Variants in GLS observed in about 807,000 individuals in gnomAD.
GLS encodes the protein glutaminase.
Under a neutral mutation model 86.7 loss-of-function variants are expected in GLS, and 36 were observed. That is an observed-to-expected ratio of 0.42 (90% CI 0.32 to 0.55). The LOEUF (loss-of-function observed/expected upper bound fraction) is 0.55, where lower values mean the gene tolerates loss of function less well. Ranked by LOEUF, GLS falls within the 20% of genes least tolerant of loss-of-function variation. The probability of loss-of-function intolerance (pLI) is 0.17; values close to 1 mark genes in which losing one functional copy is unlikely to be tolerated. For missense variants in GLS, 528 were observed against 833.4 expected (o/e 0.63, Z 4.51); for synonymous variants, 317 against 305.9 (o/e 1.04, Z -0.38).
chr2:190,954,675 ACTC>A lies in GLS; in HGVS notation c.1789+18_1789+20del, dbSNP rs1176914063. 6 of 1,606,622 alleles carry A rather than the reference ACTC, an allele frequency of 3.7e-6. No homozygotes were observed. The highest frequency in any genetic ancestry group is 3.3e-5 in the Admixed American group (2 of 59,978). On this transcript the variant is annotated intron_variant, in intron 16 of 17. Transcript: ENST00000320717. This position sits in a 1 kb window ranked among gnomAD's most constrained non-coding sequence, Gnocchi z 4.0. ...TGCTGCAGAGGGTAATACAGGAACTACTCCTATCTATTTTCTTTCCAGATTTAA... is the reference window on the plus strand; with the variant it reads ...TGCTGCAGAGGGTAATACAGGAACTACTATCTATTTTCTTTCCAGATTTAA...
rs559857244 is a variant in GLS, at chr2:190,929,024, C to T, written c.1426-1413C>T. On this transcript the variant is annotated intron_variant, in intron 12 of 17. Transcript: ENST00000320717. ...ATTTTGAGACAGAGTCTCACTGTGT[C>T]GCCCAGGCTGGAGTGCAGTGGCGTG... 3.3e-5 allele frequency among the ~76,000 whole-genome samples: 5 copies of T among 149,666 alleles called. No individual in the cohort carries two copies. The East Asian group carries it at 7.9e-4, about 24-fold the overall frequency.
At chr2:190,936,946 G>T (rs1160005698) in intron 14 of GLS, among the ~76,000 whole-genome samples, 1 of 151,186 alleles carries the variant, frequency 6.6e-6, no homozygotes, top group East Asian at 1.9e-4. Context: ...CTTAACGTGT[G>T]ATTTCTTCTC....
At position 190,880,921 on chromosome 2, in the gene GLS, C is replaced by CAGCCG; in HGVS notation, c.-164_-163insAGCCG. On this transcript the variant is annotated 5_prime_UTR_variant, in exon 1 of 18. Transcript: ENST00000320717. ...AGCAGCAGCAGCAGCAGCAGCAGCA[C>CAGCCG]CCGCATCCGCTGCGGGAGTCCGAGC... 1 of 751,614 alleles carries CAGCCG rather than the reference C, an allele frequency of 1.3e-6. No individual in the cohort carries two copies. The allele number at this position is 751,614 out of a possible 1,614,324, so 46.6% of individuals were successfully genotyped here. A position where few individuals can be genotyped will look rare whatever the true frequency, so the allele number is the denominator to read the frequency against.
intron 17 of GLS, among the ~76,000 whole-genome samples, chr2:190,960,061 A>C (rs964912046): frequency 6.6e-6 from 1 of 151,482 alleles, no homozygotes; most frequent in African/African-American, 2.5e-5. Flanking sequence ...GCAAACTGCT[A>C]TTCATCCTGC....
rs771612003 is a variant in GLS at position 190,921,231 on chromosome 2, C to T, written c.1130+28C>T. 28 of 1,368,546 alleles carry T rather than the reference C, an allele frequency of 2.0e-5. No individual in the cohort carries two copies. The highest frequency in any genetic ancestry group is 1.3e-4 in the African/African-American group (9 of 70,148). The allele number at this position is 1,368,546 out of a possible 1,614,324, so 84.8% of individuals were successfully genotyped here. ...GAGTGTTTTAAATACTGTTTTGTTA[C>T]GTAAAAACACACAACTGTATTTAGA... On this transcript the variant is annotated intron_variant, in intron 9 of 17. Coordinates refer to ENST00000320717, the MANE Select transcript of GLS (RefSeq NM_014905.5). The surrounding 1 kb of genome is among the most constrained non-coding windows in gnomAD (Gnocchi z 4.2).
Position 190,951,231 on chromosome 2 carries a change from A to AGAGGGTG in GLS, c.1651-2326_1651-2320dup, listed in dbSNP as rs1690710678. ...GGAGCAGCATGGAAGGCAAGTCGTG[A>AGAGGGTG]GAGGGTGGAGGGTGCTGGGGGGATC... is the stretch of plus-strand genomic sequence containing the variant. On this transcript the variant is annotated intron_variant, in intron 14 of 17. Coordinates refer to ENST00000320717, the MANE Select transcript of GLS (RefSeq NM_014905.5). The surrounding 1 kb of genome is among the most constrained non-coding windows in gnomAD (Gnocchi z 4.2). 6.6e-6 allele frequency among the ~76,000 whole-genome samples: 1 copy of AGAGGGTG among 152,122 alleles called. No individual in the cohort carries two copies. Among genetic ancestry groups the AGAGGGTG allele is most frequent in the African/African-American group, 2.4e-5 (1 of 41,428 alleles).
chr2:190,898,785 C>T (rs1181955203), intron 3 of GLS, among the ~76,000 whole-genome samples: 1 of 152,164 alleles, frequency 6.6e-6, no homozygotes, highest in Non-Finnish European at 1.5e-5. Context: ...GCATGCACCA[C>T]CACGCCCGGC....
chr2:190,941,270 G>C (rs1690419879), intron 14 of GLS, among the ~76,000 whole-genome samples: 1 of 152,152 alleles, frequency 6.6e-6, no homozygotes, highest in Non-Finnish European at 1.5e-5. Flanking sequence ...GATGCATGTA[G>C]ATCTAATTCA....
intron 1 of GLS, among the ~76,000 whole-genome samples, chr2:190,885,991 GC>G (rs1306636849): frequency 1.3e-5 from 2 of 151,810 alleles, no homozygotes; most frequent in Non-Finnish European, 2.9e-5. Context: ...TCCTGCCTCA[GC>G]CCCCCATGTA....
At chr2:190,932,164 C>T (rs963554231) in intron 14 of GLS, among the ~76,000 whole-genome samples, 3 of 151,872 alleles carry the variant, frequency 2.0e-5, no homozygotes, top group Admixed American at 6.6e-5. Flanking sequence ...TTTTTTTCCA[C>T]CGTGTTTAAT....
Position 190,955,534 on chromosome 2 carries a change from G to A in GLS, c.1853+716G>A, listed in dbSNP as rs1690840809. Among the ~76,000 whole-genome samples the A allele has an allele frequency of 6.6e-6, 1 of 152,218 alleles. No individual in the cohort carries two copies. Among genetic ancestry groups the A allele is most frequent in the Admixed American group, 6.5e-5 (1 of 15,288 alleles). Reference sequence around the variant, plus strand: ...TTCTTTATCCAGTCTATTATCGATGGTCATTTGGGTTAGTTCCAAGTCTTT... The same window carrying A: ...TTCTTTATCCAGTCTATTATCGATGATCATTTGGGTTAGTTCCAAGTCTTT... On this transcript the variant is annotated intron_variant, in intron 17 of 17. Coordinates refer to ENST00000320717, the MANE Select transcript of GLS (RefSeq NM_014905.5). The surrounding 1 kb of genome is among the most constrained non-coding windows in gnomAD (Gnocchi z 5.6).
At chr2:190,888,837 C>G (rs571586508) in intron 1 of GLS, among the ~76,000 whole-genome samples, 1 of 152,166 alleles carries the variant, frequency 6.6e-6, no homozygotes, top group African/African-American at 2.4e-5. Flanking sequence ...TAGCTATCCT[C>G]CTTCACTCTT....
chr2:190,917,833 A>G (rs1326502846), intron 7 of GLS, among the ~76,000 whole-genome samples: 1 of 151,990 alleles, frequency 6.6e-6, no homozygotes, highest in African/African-American at 2.4e-5. Flanking sequence ...TCACACCTGT[A>G]ATCTCAGCAC....
At chr2:190,888,493 C>G (rs577903744) in intron 1 of GLS, among the ~76,000 whole-genome samples, 1 of 152,174 alleles carries the variant, frequency 6.6e-6, no homozygotes, top group South Asian at 2.1e-4. Context: ...TGCTGTAAGA[C>G]AAGTGCTGGC....
In GLS at chr2:190,946,059, ACTGT is replaced by A. The variant is rs774651044; in HGVS notation, c.1651-7503_1651-7500del. Among the ~76,000 whole-genome samples, 10 of 152,310 alleles carry A rather than the reference ACTGT, an allele frequency of 6.6e-5. No homozygotes were observed. The East Asian group carries it at 1.2e-3, about 18-fold the overall frequency. ...TAGGAATATGTGGCCTCATACTCAG[ACTGT>A]CTAATTACAAAAGTAGTATAATTTT... is the stretch of plus-strand genomic sequence containing the variant. On this transcript the variant is annotated intron_variant, in intron 14 of 17. Transcript: ENST00000320717.
chr2:190,954,945 A>G lies in GLS; in HGVS notation c.1853+127A>G, dbSNP rs1170001860. ...CCTGCTATGATATCTTATAAAGGCA[A>G]TAAACCTTGTTTCTACTAGATAGGT... On this transcript the variant is annotated intron_variant, in intron 17 of 17. Transcript: ENST00000320717. The surrounding 1 kb of genome is among the most constrained non-coding windows in gnomAD (Gnocchi z 4.0). The G allele has an allele frequency of 9.2e-6, 6 of 651,428 alleles. No homozygotes were observed. The highest frequency in any genetic ancestry group is 4.1e-5 in the South Asian group (2 of 48,688). 40.4% of individuals were successfully genotyped at this position (651,428 alleles called of 1,614,324 possible).
At position 190,943,047 on chromosome 2, in the gene GLS, A is replaced by G. The variant is rs1690487742; in HGVS notation, c.1651-10518A>G. ...TTTACTGGAAACTCACCTGACGCTCATTGACCAGACTAACTGCAAGGGAAT... is the reference window on the plus strand; with the variant it reads ...TTTACTGGAAACTCACCTGACGCTCGTTGACCAGACTAACTGCAAGGGAAT... On this transcript the variant is annotated intron_variant, in intron 14 of 17. Coordinates refer to ENST00000320717, the MANE Select transcript of GLS (RefSeq NM_014905.5). The surrounding 1 kb of genome is among the most constrained non-coding windows in gnomAD (Gnocchi z 4.5). Among the ~76,000 whole-genome samples the G allele has an allele frequency of 6.6e-6, 1 of 152,218 alleles. No homozygotes were observed. Among genetic ancestry groups the G allele is most frequent in the African/African-American group, 2.4e-5 (1 of 41,452 alleles).
chr2:190,959,528 C>A (rs1690948266), intron 17 of GLS, among the ~76,000 whole-genome samples: 1 of 152,144 alleles, frequency 6.6e-6, no homozygotes, highest in South Asian at 2.1e-4. Flanking sequence ...ATGGTCTTTA[C>A]AATTTTGTAT....
chr2:190,891,240 G>A (rs1688550424), intron 1 of GLS, among the ~76,000 whole-genome samples: 1 of 152,080 alleles, frequency 6.6e-6, no homozygotes, highest in East Asian at 1.9e-4. Flanking sequence ...TTTGTCTCAT[G>A]GCTTTAGTCA....
Sources: gnomAD v4.1 joint callset for allele counts (sites outside exome capture counted in the v4.1 genomes callset) on GRCh38, gnomAD v4.1.1 for gene constraint, Gnocchi (gnomAD v3.1) non-coding constraint, MANE v1.5 for transcripts, NCBI Gene and HGNC (gene_info 2026-07-23, HGNC 2026-07-21) for gene names.